The following RBBP4 variants were observed in gnomAD, a reference collection of about 807,000 sequenced individuals.
The protein encoded by RBBP4 is histone-binding protein RBBP4.
In RBBP4, 3 loss-of-function variants were observed where a neutral mutation model predicts 57.2. That is an observed-to-expected ratio of 0.05 (90% confidence interval 0.02 to 0.14). The LOEUF is 0.14. Ranked by LOEUF, RBBP4 falls within the 10% of genes least tolerant of loss-of-function variation. The probability of loss-of-function intolerance (pLI) is 1.00; values close to 1 mark genes in which losing one functional copy is unlikely to be tolerated. For synonymous variants in RBBP4, 151 were observed against 171.5 expected, an observed-to-expected ratio of 0.88 and a Z score of 0.93; for missense variants, 107 against 520.6, an observed-to-expected ratio of 0.21 and a Z score of 7.73.
At chr1:32,677,562 C>T (rs1649159683) in intron 11 of RBBP4, among the ~76,000 whole-genome samples, 1 of 151,886 alleles carries the variant, frequency 6.6e-6, no homozygotes, top group Non-Finnish European at 1.5e-5. Context: ...ATTATCAGAC[C>T]TGAGGAGGCA....
At chr1:32,677,574 T>C (rs1315598755) in intron 11 of RBBP4, among the ~76,000 whole-genome samples, 1 of 152,094 alleles carries the variant, frequency 6.6e-6, no homozygotes. Context: ...GAGGAGGCAG[T>C]AGTGGGAACC....
chr1:32,662,635 A>G (rs1449880351), intron 3 of RBBP4, among the ~76,000 whole-genome samples: 1 of 151,504 alleles, frequency 6.6e-6, no homozygotes, highest in Non-Finnish European at 1.5e-5. Flanking sequence ...CAGCCTCCCA[A>G]AGTGCTGGGA....
At chr1:32,652,114 CAT>C (rs768603243) in intron 2 of RBBP4, 53 bp downstream of exon 2, 226 of 1,542,200 alleles carry the variant, frequency 1.5e-4, no homozygotes, top group Non-Finnish European at 1.9e-4. Context: ...GTAGATTTCT[CAT>C]ATTGATTTTC....
At chr1:32,653,160 T>C (rs1647966290) in intron 2 of RBBP4, among the ~76,000 whole-genome samples, 1 of 152,050 alleles carries the variant, frequency 6.6e-6, no homozygotes, top group South Asian at 2.1e-4. Flanking sequence ...GGATCCAAAT[T>C]AGTTATAATT....
chr1:32,672,078 T>C (rs937559418), intron 8 of RBBP4, among the ~76,000 whole-genome samples: 4 of 151,864 alleles, frequency 2.6e-5, no homozygotes, highest in African/African-American at 7.3e-5. Flanking sequence ...CAACCTCTGC[T>C]TCCTGGGTTC....
chr1:32,680,623 T>A lies in RBBP4; in HGVS notation c.*918T>A. 7.6e-7 allele frequency: 1 copy of A among 1,314,360 alleles called. No individual in the cohort carries two copies. The highest frequency in any genetic ancestry group is 2.6e-5 in the East Asian group (1 of 39,076). 81.4% of individuals were successfully genotyped at this position (1,314,360 alleles called of 1,614,324 possible). ...TCTCCATGACTAACTGTGTAAGTGC[T>A]TAAAATGGAATAAATTGCTTTTCTA... On this transcript the variant is annotated 3_prime_UTR_variant, in exon 12 of 12. Coordinates refer to ENST00000373493, the MANE Select transcript of RBBP4 (RefSeq NM_005610.3).
chr1:32,651,338 C>T lies in RBBP4; in HGVS notation c.16+16C>T, dbSNP rs1038009077. The T allele has an allele frequency of 6.9e-6, 10 of 1,453,360 alleles. No individual in the cohort carries two copies. The African/African-American group carries it at 1.0e-4, about 15-fold the overall frequency. 90.0% of individuals were successfully genotyped at this position (1,453,360 alleles called of 1,614,324 possible). On this transcript the variant is annotated intron_variant, in intron 1 of 11. Coordinates refer to ENST00000373493, the MANE Select transcript of RBBP4 (RefSeq NM_005610.3). ...GACAAGGAAGGTGAGGGTGCCGGGGCCGACCCAGGAGGGCAGTGGGTGCCT... is the reference window on the plus strand; with the variant it reads ...GACAAGGAAGGTGAGGGTGCCGGGGTCGACCCAGGAGGGCAGTGGGTGCCT...
At chr1:32,661,971 C>T (rs1283165956) in intron 3 of RBBP4, among the ~76,000 whole-genome samples, 6 of 141,736 alleles carry the variant, frequency 4.2e-5, no homozygotes, top group Non-Finnish European at 6.0e-5. Context: ...CTGCAACTTC[C>T]GCCTCTTGGG....
At position 32,657,551 on chromosome 1, in the gene RBBP4, C is replaced by G; in HGVS notation, c.289C>G (p.His97Asp). ...TGATGATGCTCAGTTTGATGCGTCA[C>G]ACTACGACAGTGAGAAAGGAGGTAG... Reference protein sequence around the residue: ...PNDDAQFDASHYDSEKGEFGG... With the variant: ...PNDDAQFDASDYDSEKGEFGG... The change falls in exon 3 of 12, where the codon CAC becomes GAC. Residue 97 changes from histidine (H) to aspartate (D), a missense_variant. Around this residue, in one of 3 missense-constraint regions of RBBP4, gnomAD observed 92 missense variants for 408.5 expected, o/e 0.23. Coordinates refer to ENST00000373493, the MANE Select transcript of RBBP4 (RefSeq NM_005610.3). 1.2e-6 allele frequency: 2 copies of G among 1,613,858 alleles called. No homozygotes were observed. The highest frequency in any genetic ancestry group is 1.7e-6 in the Non-Finnish European group (2 of 1,179,940).
chr1:32,680,008 A>C lies in RBBP4; in HGVS notation c.*303A>C. The C allele has an allele frequency of 8.8e-7, 1 of 1,142,854 alleles. No individual in the cohort carries two copies. Among genetic ancestry groups the C allele is most frequent in the Non-Finnish European group, 1.1e-6 (1 of 930,980 alleles). The allele number at this position is 1,142,854 out of a possible 1,614,324, so 70.8% of individuals were successfully genotyped here. On this transcript the variant is annotated 3_prime_UTR_variant, in exon 12 of 12. Transcript: ENST00000373493. ...TTTTTCTTCTTATGCTATATCCCCAAGTTTTTCAGACTCATTTAAGTAAAG... is the reference window on the plus strand; with the variant it reads ...TTTTTCTTCTTATGCTATATCCCCACGTTTTTCAGACTCATTTAAGTAAAG...
At chr1:32,677,467 A>AT (rs1416167030) in intron 11 of RBBP4, among the ~76,000 whole-genome samples, 3 of 23,336 alleles carry the variant, frequency 1.3e-4, no homozygotes, top group Admixed American at 7.5e-4. Context: ...TGTATCCTTT[A>AT]TTTAAAAAAA....
At position 32,684,249 on chromosome 1, in the gene RBBP4, G is replaced by C; in HGVS notation, c.*4544G>C. ...ATTAGATGAGATTTGTATAGCAGCA[G>C]AAACTGACTTATAAGTAGAGAGCTC... On this transcript the variant is annotated 3_prime_UTR_variant, in exon 12 of 12. Transcript: ENST00000373493. 6.2e-7 allele frequency: 1 copy of C among 1,614,184 alleles called. No homozygotes were observed. The highest frequency in any genetic ancestry group is 1.1e-5 in the South Asian group (1 of 91,080).
At chr1:32,675,638 G>A (rs1163419570) in intron 11 of RBBP4, among the ~76,000 whole-genome samples, 3 of 151,678 alleles carry the variant, frequency 2.0e-5, no homozygotes, top group South Asian at 2.1e-4. Flanking sequence ...GCGTGGTGGC[G>A]GGCGCCTGTA....
Position 32,684,432 on chromosome 1 carries a change from C to CA in RBBP4, c.*4728dup. The CA allele has an allele frequency of 6.2e-7, 1 of 1,612,214 alleles. No individual in the cohort carries two copies. The highest frequency in any genetic ancestry group is 8.5e-7 in the Non-Finnish European group (1 of 1,179,104). ...TCTAATGAGCCAAACAATAAAAACT[C>CA]ACATTGTCCACTCTTACTTATAAAA... On this transcript the variant is annotated 3_prime_UTR_variant, in exon 12 of 12. Transcript: ENST00000373493.
At chr1:32,678,170 T>C (rs1356702507) in intron 11 of RBBP4, among the ~76,000 whole-genome samples, 2 of 152,178 alleles carry the variant, frequency 1.3e-5, no homozygotes, top group Admixed American at 6.5e-5. Flanking sequence ...TTAGCCATCA[T>C]TTCCTATTTT....
Position 32,652,246 on chromosome 1 carries a change from G to A in RBBP4, c.164+185G>A, listed in dbSNP as rs989727782. On this transcript the variant is annotated intron_variant, in intron 2 of 11. Coordinates refer to ENST00000373493, the MANE Select transcript of RBBP4 (RefSeq NM_005610.3). ...TGATTTTGTAACTTACCTGACAAGA[G>A]AAAACATATTGGCGTTTTTTTCTCA... 9.0e-6 allele frequency: 6 copies of A among 666,948 alleles called. No individual in the cohort carries two copies. The South Asian group carries it at 1.2e-4, about 13-fold the overall frequency. The allele number at this position is 666,948 out of a possible 1,614,324, so 41.3% of individuals were successfully genotyped here. A position where few individuals can be genotyped will look rare whatever the true frequency, so the allele number is the denominator to read the frequency against.
Position 32,681,818 on chromosome 1 carries a change from T to C in RBBP4, c.*2113T>C. On this transcript the variant is annotated 3_prime_UTR_variant, in exon 12 of 12. Coordinates refer to ENST00000373493, the MANE Select transcript of RBBP4 (RefSeq NM_005610.3). The stretch of plus-strand genomic sequence containing the variant: ...GATCCTTTGCTAAGAAGTTTTTTGC[T>C]GTTTCCGGGTTACAGATTTGGCCAT... 2 of 1,614,194 alleles carry C rather than the reference T, an allele frequency of 1.2e-6. No homozygotes were observed. The highest frequency in any genetic ancestry group is 1.7e-6 in the Non-Finnish European group (2 of 1,180,030).
intron 1 of RBBP4, chr1:32,651,599 T>TG (rs1647669858): frequency 2.2e-6 from 2 of 914,972 alleles, no homozygotes; most frequent in South Asian, 5.1e-5. Flanking sequence ...GTCCCGAGCG[T>TG]GGGGACACCG....
intron 8 of RBBP4, among the ~76,000 whole-genome samples, chr1:32,670,106 C>G (rs965869352): frequency 3.9e-5 from 6 of 152,168 alleles, no homozygotes; most frequent in Non-Finnish European, 7.3e-5. Flanking sequence ...CCTGTAATCC[C>G]AGCACTTTAG....
Sources: gnomAD v4.1 joint callset for allele counts (sites outside exome capture counted in the v4.1 genomes callset) on GRCh38, gnomAD v4.1.1 for gene constraint, gnomAD v4.1.1 regional missense constraint, MANE v1.5 for transcripts, NCBI Gene and HGNC (gene_info 2026-07-23, HGNC 2026-07-21) for gene names.